The following RPSA2 variants were observed in gnomAD, a reference collection of about 807,000 sequenced individuals.
RPSA2 encodes the protein ribosomal protein SA 2.
At chr19:23,806,194 A>G in the RPSA2 span, among the ~76,000 whole-genome samples, 3 of 151,792 alleles carry the variant, frequency 2.0e-5, no homozygotes, top group African/African-American at 7.3e-5. Flanking sequence ...ACAAGCATGC[A>G]TCATCACACT....
the RPSA2 span, among the ~76,000 whole-genome samples, chr19:23,816,943 A>G: frequency 2.0e-5 from 3 of 152,220 alleles, no homozygotes; most frequent in South Asian, 6.2e-4. Flanking sequence ...TAAAGATGAG[A>G]CTTGGGTTGG....
At chr19:23,802,362 A>G in the RPSA2 span, among the ~76,000 whole-genome samples, 1 of 152,206 alleles carries the variant, frequency 6.6e-6, no homozygotes, top group Non-Finnish European at 1.5e-5. Flanking sequence ...CAGGAGATCC[A>G]GGTTCTGGAG....
the RPSA2 span, among the ~76,000 whole-genome samples, chr19:23,846,364 CT>C: frequency 6.6e-6 from 1 of 151,622 alleles, no homozygotes. Flanking sequence ...TAATTATTGC[CT>C]TGTTTTATTT....
At chr19:23,859,952 C>G in the RPSA2 span, among the ~76,000 whole-genome samples, 1 of 152,086 alleles carries the variant, frequency 6.6e-6, no homozygotes, top group Admixed American at 6.6e-5. Context: ...ATGATTTAAC[C>G]ATGTTTACGA....
At chr19:23,867,101 A>G in the RPSA2 span, among the ~76,000 whole-genome samples, 1 of 152,192 alleles carries the variant, frequency 6.6e-6, no homozygotes, top group African/African-American at 2.4e-5. Flanking sequence ...TGCAAAATCT[A>G]TCTATTCCAA....
the RPSA2 span, among the ~76,000 whole-genome samples, chr19:23,773,287 T>C: frequency 3.5e-4 from 7 of 19,932 alleles, no homozygotes; most frequent in African/African-American, 1.0e-3. Context: ...TATATATATA[T>C]CAAATTTTTT....
At chr19:23,808,148 A>G in the RPSA2 span, among the ~76,000 whole-genome samples, 1 of 152,104 alleles carries the variant, frequency 6.6e-6, no homozygotes, top group Non-Finnish European at 1.5e-5. Flanking sequence ...TTCACTTTAG[A>G]TTATTGGTAA....
At chr19:23,813,359 CATTTT>C in the RPSA2 span, among the ~76,000 whole-genome samples, 1 of 151,958 alleles carries the variant, frequency 6.6e-6, no homozygotes, top group Non-Finnish European at 1.5e-5. Flanking sequence ...AACATTTACT[CATTTT>C]ATGCTCTCTC....
the RPSA2 span, among the ~76,000 whole-genome samples, chr19:23,795,355 G>A: frequency 1.1e-4 from 16 of 151,998 alleles, no homozygotes; most frequent in African/African-American, 2.9e-4. Context: ...TTCTTTAAGC[G>A]TTGTTTTGTA....
At chr19:23,782,723 C>T in the RPSA2 span, among the ~76,000 whole-genome samples, 3 of 152,118 alleles carry the variant, frequency 2.0e-5, no homozygotes, top group East Asian at 3.9e-4. Context: ...TGATATGCCA[C>T]GTGACATAGC....
At chr19:23,797,366 C>G in the RPSA2 span, among the ~76,000 whole-genome samples, 19 of 152,282 alleles carry the variant, frequency 1.2e-4, no homozygotes, top group African/African-American at 4.3e-4. Flanking sequence ...CCTCGGCCTC[C>G]CAAAGTGCTG....
At chr19:23,864,958 CAA>C in the RPSA2 span, among the ~76,000 whole-genome samples, 1 of 152,174 alleles carries the variant, frequency 6.6e-6, no homozygotes, top group Non-Finnish European at 1.5e-5. Context: ...TCACCAGAAG[CAA>C]GGAGCCCTCT....
At chr19:23,802,996 C>T in the RPSA2 span, among the ~76,000 whole-genome samples, 6 of 151,928 alleles carry the variant, frequency 3.9e-5, no homozygotes, top group Admixed American at 3.9e-4. Flanking sequence ...TTTTAGAAAA[C>T]CTTAAGAGAT....
At chr19:23,788,562 G>C in the RPSA2 span, among the ~76,000 whole-genome samples, 10 of 152,106 alleles carry the variant, frequency 6.6e-5, no homozygotes, top group Non-Finnish European at 1.5e-4. Context: ...TTCTACGTAA[G>C]CCCTGACCAC....
the RPSA2 span, among the ~76,000 whole-genome samples, chr19:23,800,328 G>C: frequency 6.6e-6 from 1 of 152,036 alleles, no homozygotes; most frequent in African/African-American, 2.4e-5. Flanking sequence ...GTGTAAGCCA[G>C]CATGCCCAAC....
chr19:23,832,137 C>G, the RPSA2 span: 4 of 423,334 alleles, frequency 9.4e-6, no homozygotes, highest in South Asian at 7.5e-5. Context: ...AAAAACTTTA[C>G]AGATGTGAAG....
the RPSA2 span, among the ~76,000 whole-genome samples, chr19:23,776,099 C>T: frequency 6.6e-6 from 1 of 152,144 alleles, no homozygotes; most frequent in Non-Finnish European, 1.5e-5. Context: ...GCCTTACACC[C>T]AGGTAATGTG....
chr19:23,865,612 G>C, the RPSA2 span, among the ~76,000 whole-genome samples: 24 of 152,206 alleles, frequency 1.6e-4, no homozygotes, highest in Admixed American at 1.3e-3. Context: ...AGGAGAAAGG[G>C]GGAGAATTGG....
the RPSA2 span, among the ~76,000 whole-genome samples, chr19:23,868,115 G>C: frequency 3.3e-5 from 5 of 152,300 alleles, no homozygotes; most frequent in Admixed American, 3.3e-4. Context: ...AGCTATTAGT[G>C]CACAAATTAA....
Sources: allele counts gnomAD v4.1 joint callset (sites outside exome capture counted in the v4.1 genomes callset), GRCh38; gene constraint gnomAD v4.1.1; transcripts MANE v1.5; gene names NCBI Gene and HGNC (gene_info 2026-07-23, HGNC 2026-07-21).